ZFYVE28: variants seen among roughly 807,000 people sequenced by gnomAD.
The protein encoded by ZFYVE28 is lateral signaling target protein 2 homolog.
In ZFYVE28, 40 loss-of-function variants were observed where a neutral mutation model predicts 82.1. The observed-to-expected ratio is 0.49, with a 90% CI of 0.38 to 0.63. The LOEUF is 0.63. Ranked by LOEUF, ZFYVE28 falls within the 30% of genes least tolerant of loss-of-function variation. The probability of loss-of-function intolerance (pLI) is 0.00; values close to 1 mark genes in which losing one functional copy is unlikely to be tolerated. For missense variants in ZFYVE28, 1,321 were observed against 1,242.1 expected, an observed-to-expected ratio of 1.06 and a Z score of -0.96; for synonymous variants, 612 against 546.1, an observed-to-expected ratio of 1.12 and a Z score of -1.68.
intron 6 of ZFYVE28, chr4:2,324,470 G>A: frequency 5.8e-6 from 1 of 171,674 alleles, no homozygotes; most frequent in Admixed American, 5.8e-5. Context: ...AGTGAAGCAT[G>A]ACTTGTGTTG....
chr4:2,279,882 C>G (rs557236232), intron 8 of ZFYVE28, among the ~76,000 whole-genome samples: 1 of 151,994 alleles, frequency 6.6e-6, no homozygotes, highest in Admixed American at 6.6e-5. Flanking sequence ...GTGGTCGCAA[C>G]AGCTGAAGGG....
rs540929128 is a variant in ZFYVE28 at position 2,329,488 on chromosome 4, C to G, written c.701+6217G>C. On this transcript the variant is annotated intron_variant, in intron 6 of 12. Coordinates refer to ENST00000290974, the MANE Select transcript of ZFYVE28 (RefSeq NM_020972.3). Reference sequence around the variant, plus strand: ...CTACAACATGGGGGAAACTTGAAAACATTATGTGAAGTGAAATAAGACAGT... The same window carrying G: ...CTACAACATGGGGGAAACTTGAAAAGATTATGTGAAGTGAAATAAGACAGT... Among the ~76,000 whole-genome samples, 22 of 152,254 alleles carry G rather than the reference C, an allele frequency of 1.4e-4. No individual in the cohort carries two copies. In the East Asian group the frequency reaches 4.0e-3, roughly 28 times the overall value.
intron 1 of ZFYVE28, among the ~76,000 whole-genome samples, chr4:2,403,392 C>T (rs957972301): frequency 2.0e-5 from 3 of 152,262 alleles, no homozygotes; most frequent in Admixed American, 1.3e-4. Context: ...AGTGTCAACA[C>T]GCAATATGAG....
chr4:2,350,207 G>A (rs939402274), intron 2 of ZFYVE28, among the ~76,000 whole-genome samples: 14 of 152,224 alleles, frequency 9.2e-5, no homozygotes, highest in Non-Finnish European at 1.5e-4. Flanking sequence ...GCTCACGCCT[G>A]TAATCCCAGC....
At position 2,341,622 on chromosome 4, in the gene ZFYVE28, C is replaced by G. The variant is rs615447; in HGVS notation, c.181-7G>C. The G allele has an allele frequency of 0.2, 315,945 of 1,600,846 alleles. 31,950 individuals are homozygous for G. Among genetic ancestry groups the G allele is most frequent in the Middle Eastern group, 0.3 (1,809 of 6,020 alleles). ...TGATGTTCAACACATTGTCCTGAAA[C>G]AGAAGACAGGAGAAAGTGCGCCAAT... On this transcript the variant is annotated splice_region_variant and splice_polypyrimidine_tract_variant and intron_variant, in intron 2 of 12. Transcript: ENST00000290974. The surrounding 1 kb of genome is among the most constrained non-coding windows in gnomAD (Gnocchi z 4.5).
chr4:2,278,929 T>TC (rs35053913), intron 8 of ZFYVE28, among the ~76,000 whole-genome samples: 1,891 of 143,916 alleles, frequency 0.013, 30 homozygotes, highest in Non-Finnish European at 0.021. Context: ...ATTAGAATGT[T>TC]CCCCCCCCCC....
chr4:2,402,442 T>C (rs953425783), intron 1 of ZFYVE28, among the ~76,000 whole-genome samples: 1 of 152,164 alleles, frequency 6.6e-6, no homozygotes, highest in Non-Finnish European at 1.5e-5. Flanking sequence ...GAAGTCCTGA[T>C]GGGTCAGCAA....
chr4:2,322,325 G>A (rs1719208205), intron 6 of ZFYVE28, among the ~76,000 whole-genome samples: 1 of 152,246 alleles, frequency 6.6e-6, no homozygotes, highest in Admixed American at 6.5e-5. Context: ...ATGAGCTATT[G>A]CCAGAAACGG....
intron 8 of ZFYVE28, among the ~76,000 whole-genome samples, chr4:2,293,749 TC>T (rs1714106408): frequency 1.1e-5 from 1 of 86,980 alleles, no homozygotes; most frequent in Non-Finnish European, 2.5e-5. Context: ...CAAGACTCCA[TC>T]TCAAAAAAAA....
intron 1 of ZFYVE28, among the ~76,000 whole-genome samples, chr4:2,369,678 C>T (rs572269123): frequency 1.3e-5 from 2 of 151,842 alleles, no homozygotes; most frequent in African/African-American, 4.8e-5. Flanking sequence ...GGGCGGAGAT[C>T]GGTGTGACGG....
intron 1 of ZFYVE28, among the ~76,000 whole-genome samples, chr4:2,403,391 A>G (rs1445816961): frequency 6.6e-6 from 1 of 152,248 alleles, no homozygotes; most frequent in African/African-American, 2.4e-5. Flanking sequence ...GAGTGTCAAC[A>G]CGCAATATGA....
chr4:2,306,089 A>G (rs1271897774), intron 7 of ZFYVE28, among the ~76,000 whole-genome samples: 3 of 152,262 alleles, frequency 2.0e-5, no homozygotes, highest in Non-Finnish European at 4.4e-5. Context: ...GCAACCAAAG[A>G]CAATGCAAGC....
At chr4:2,353,611 C>T (rs1050216723) in intron 2 of ZFYVE28, among the ~76,000 whole-genome samples, 2 of 152,130 alleles carry the variant, frequency 1.3e-5, no homozygotes, top group African/African-American at 2.4e-5. Flanking sequence ...CCAAGCTCTG[C>T]ACCAGCACCT....
intron 7 of ZFYVE28, among the ~76,000 whole-genome samples, chr4:2,305,976 G>A (rs1560177725): frequency 6.6e-6 from 1 of 152,252 alleles, no homozygotes; most frequent in Non-Finnish European, 1.5e-5. Flanking sequence ...CGAGGAAGAA[G>A]GCAGGCATGC....
rs1722766906 is a variant in ZFYVE28, at chr4:2,341,345, C to T, written c.318+133G>A. On this transcript the variant is annotated intron_variant, in intron 3 of 12. Transcript: ENST00000290974. The surrounding 1 kb of genome is among the most constrained non-coding windows in gnomAD (Gnocchi z 4.5). ...ACCAGGCTCAGACCACACCACGTAA[C>T]CCAGAGTGGACGGAGCTCTTGGAGG... 1 of 1,296,580 alleles carries T rather than the reference C, an allele frequency of 7.7e-7. No homozygotes were observed. Among genetic ancestry groups the T allele is most frequent in the Admixed American group, 2.1e-5 (1 of 47,224 alleles). 80.3% of individuals were successfully genotyped at this position (1,296,580 alleles called of 1,614,324 possible). A position where few individuals can be genotyped will look rare whatever the true frequency, so the allele number is the denominator to read the frequency against.
At chr4:2,305,623 C>A in intron 7 of ZFYVE28, 87 bp from the exon 8 acceptor site, 2 of 1,502,344 alleles carry the variant, frequency 1.3e-6, no homozygotes, top group South Asian at 1.2e-5. Context: ...ACCCTGGAGT[C>A]TGCACCAGCA....
At chr4:2,375,682 G>A (rs1276239959) in intron 1 of ZFYVE28, among the ~76,000 whole-genome samples, 4 of 151,944 alleles carry the variant, frequency 2.6e-5, no homozygotes, top group East Asian at 1.9e-4. Flanking sequence ...GGACTGTGCC[G>A]CCCCCACCTC....
At chr4:2,329,306 G>T (rs569358510) in intron 6 of ZFYVE28, among the ~76,000 whole-genome samples, 8 of 152,156 alleles carry the variant, frequency 5.3e-5, no homozygotes, top group African/African-American at 1.9e-4. Flanking sequence ...ACGTTTTTTA[G>T]TTTTCAGCAT....
intron 1 of ZFYVE28, among the ~76,000 whole-genome samples, chr4:2,391,408 T>C (rs529259743): frequency 6.6e-6 from 1 of 150,732 alleles, no homozygotes; most frequent in East Asian, 2.0e-4. Context: ...GATCCCACAA[T>C]GCAAGGTTAC....
Sources: allele counts gnomAD v4.1 joint callset (sites outside exome capture counted in the v4.1 genomes callset), GRCh38; gene constraint gnomAD v4.1.1; non-coding constraint Gnocchi (gnomAD v3.1); transcripts MANE v1.5; gene names NCBI Gene and HGNC (gene_info 2026-07-23, HGNC 2026-07-21).